Variants in CCNT2 observed in about 807,000 individuals in gnomAD.
CCNT2 encodes the protein cyclin T2.
A neutral mutation model predicts 70.0 loss-of-function variants in CCNT2; 18 were observed. The ratio of observed to expected loss-of-function variants is 0.26; its 90% CI spans 0.18 to 0.38. The LOEUF is 0.38. Ranked by LOEUF, CCNT2 falls within the 10% of genes least tolerant of loss-of-function variation. The pLI is 1.00. For synonymous variants in CCNT2, 334 were observed against 313.3 expected, an observed-to-expected ratio of 1.07 and a Z score of -0.70; for missense variants, 734 against 890.2, an observed-to-expected ratio of 0.82 and a Z score of 2.23.
chr2:134,920,785 G>A (rs1326459469), intron 2 of CCNT2, among the ~76,000 whole-genome samples: 1 of 152,132 alleles, frequency 6.6e-6, no homozygotes, highest in Non-Finnish European at 1.5e-5. Context: ...TGCTATTTGT[G>A]GATAGTCATT....
chr2:134,948,244 G>A lies in CCNT2; in HGVS notation c.703+345G>A, dbSNP rs147921363. Among the ~76,000 whole-genome samples, 51 of 152,242 alleles carry A rather than the reference G, an allele frequency of 3.3e-4. 1 individual carries two copies. In the East Asian group the frequency reaches 7.7e-3, roughly 23 times the overall value. Reference sequence around the variant, plus strand: ...TGAGGCGGGATGATCACTTGAGCACGGGAAGTCAGGGCTGCGGTAAGCCTT... The same window carrying A: ...TGAGGCGGGATGATCACTTGAGCACAGGAAGTCAGGGCTGCGGTAAGCCTT... On this transcript the variant is annotated intron_variant, in intron 7 of 8. Transcript: ENST00000264157.
At chr2:134,928,274 CTTTTT>C in intron 2 of CCNT2, among the ~76,000 whole-genome samples, 2 of 96,390 alleles carry the variant, frequency 2.1e-5, no homozygotes, top group East Asian at 6.3e-4. Flanking sequence ...CATTGTATTT[CTTTTT>C]TTTTTTTTTT....
intron 2 of CCNT2, among the ~76,000 whole-genome samples, chr2:134,921,890 G>A (rs993289404): frequency 2.0e-5 from 3 of 151,990 alleles, no homozygotes; most frequent in African/African-American, 7.3e-5. Context: ...GCATTTTTAC[G>A]TAGAGTCAGT....
chr2:134,919,155 G>C (rs775531180), intron 1 of CCNT2, 143 bp downstream of exon 1: 1 of 923,042 alleles, frequency 1.1e-6, no homozygotes, highest in Non-Finnish European at 1.6e-6. Context: ...TCCGGCTCGG[G>C]CAGTCGCGAG....
At chr2:134,936,669 G>A (rs1374087413) in intron 2 of CCNT2, among the ~76,000 whole-genome samples, 172 bp from the exon 3 acceptor site, 2 of 151,804 alleles carry the variant, frequency 1.3e-5, no homozygotes, top group South Asian at 2.1e-4. Flanking sequence ...CAGGAGAATC[G>A]CTTGAACCTG....
chr2:134,931,123 C>T (rs546636146), intron 2 of CCNT2, among the ~76,000 whole-genome samples: 12 of 151,810 alleles, frequency 7.9e-5, no homozygotes, highest in African/African-American at 2.4e-4. Flanking sequence ...CCGCCACGCC[C>T]GGCTGATTTT....
chr2:134,919,093 C>A (rs563366639), intron 1 of CCNT2, 81 bp downstream of exon 1: 1 of 1,469,342 alleles, frequency 6.8e-7, no homozygotes, highest in East Asian at 2.3e-5. Flanking sequence ...AACATGGCGC[C>A]GCCGGCCTCG....
At position 134,919,885 on chromosome 2, in the gene CCNT2, C is replaced by CA. The variant is rs1246153071; in HGVS notation, c.239dup (p.Asn80LysfsTer22). ...TGCACCATTCTTTCACCAAATTCAA[C>CA]AAAAATGTAAGTACTAGTTGTCTGT... On this transcript the variant is annotated frameshift_variant, in exon 2 of 9. Coordinates refer to ENST00000264157, the MANE Select transcript of CCNT2 (RefSeq NM_058241.3). LOFTEE classifies it high-confidence loss of function. 6.3e-7 allele frequency: 1 copy of CA among 1,598,182 alleles called. No individual in the cohort carries two copies. The highest frequency in any genetic ancestry group is 8.5e-7 in the Non-Finnish European group (1 of 1,174,368).
At position 134,954,781 on chromosome 2, in the gene CCNT2, ATTC is replaced by A; in HGVS notation, c.*137_*139del. On this transcript the variant is annotated 3_prime_UTR_variant, in exon 9 of 9. Transcript: ENST00000264157. ...CTTCAATATTTGTAAGTGCTGCTTT[ATTC>A]TTCATTCTGAAAAGAAGAGATTATA... The A allele has an allele frequency of 1.6e-6, 1 of 611,764 alleles. No homozygotes were observed. The highest frequency in any genetic ancestry group is 2.7e-5 in the East Asian group (1 of 36,574). The allele number at this position is 611,764 out of a possible 1,614,324, so 37.9% of individuals were successfully genotyped here. A position where few individuals can be genotyped will look rare whatever the true frequency, so the allele number is the denominator to read the frequency against.
chr2:134,953,896 C>G lies in CCNT2; in HGVS notation c.1441C>G (p.Pro481Ala). The G allele has an allele frequency of 6.2e-7, 1 of 1,613,786 alleles. No homozygotes were observed. Among genetic ancestry groups the G allele is most frequent in the Non-Finnish European group, 8.5e-7 (1 of 1,179,936 alleles). Residue 481 changes from proline to alanine, a missense_variant, in exon 9 of 9, where the codon CCC becomes GCC. Coordinates refer to ENST00000264157, the MANE Select transcript of CCNT2 (RefSeq NM_058241.3). ...AGCCAGCAGCAGTTCTGTTACTTCTCCCATTAAAATGAAAATACCTATCGC... is the reference window on the plus strand; with the variant it reads ...AGCCAGCAGCAGTTCTGTTACTTCTGCCATTAAAATGAAAATACCTATCGC... ...QAASSSSVTS[P>A]IKMKIPIANT... is the part of the protein sequence containing the mutation.
chr2:134,947,227 TA>T (rs1208915161), intron 6 of CCNT2, among the ~76,000 whole-genome samples: 1 of 152,242 alleles, frequency 6.6e-6, no homozygotes. Context: ...TAGATTTACA[TA>T]GATACGTGTT....
chr2:134,942,808 A>G lies in CCNT2; in HGVS notation c.493+134A>G, dbSNP rs1411331152. The stretch of plus-strand genomic sequence containing the variant: ...TAGGGAGAAATGTCATTTTTTAAGC[A>G]TTACTTTTTAGTGTTCTACATCTAC... On this transcript the variant is annotated intron_variant, in intron 5 of 8. Transcript: ENST00000264157. 4.3e-6 allele frequency: 6 copies of G among 1,407,340 alleles called. No homozygotes were observed. The African/African-American group carries it at 5.8e-5, about 14-fold the overall frequency. The allele number at this position is 1,407,340 out of a possible 1,614,324, so 87.2% of individuals were successfully genotyped here.
chr2:134,954,537 C>CA lies in CCNT2; in HGVS notation c.2084dup (p.Asn695LysfsTer4). On this transcript the variant is annotated frameshift_variant, in exon 9 of 9. Transcript: ENST00000264157. LOFTEE classifies it high-confidence loss of function. ...AACTGGACAAGAAGCCAGTGGAGAC[C>CA]AACGGTCCTGATGCCAATCACGAGT... 6.2e-7 allele frequency: 1 copy of CA among 1,614,032 alleles called. No individual in the cohort carries two copies. The highest frequency in any genetic ancestry group is 2.2e-5 in the East Asian group (1 of 44,884).
intron 4 of CCNT2, among the ~76,000 whole-genome samples, chr2:134,940,915 A>G (rs574414162): frequency 6.6e-6 from 1 of 152,320 alleles, no homozygotes; most frequent in East Asian, 1.9e-4. Context: ...CCATTTCAAG[A>G]TAAATGAATC....
intron 2 of CCNT2, among the ~76,000 whole-genome samples, chr2:134,928,304 G>GTT (rs1680456120): frequency 1.0e-5 from 1 of 97,706 alleles, no homozygotes; most frequent in South Asian, 3.5e-4. Flanking sequence ...CTGAGACGGA[G>GTT]TTTCATTCTT....
chr2:134,947,623 T>C, intron 6 of CCNT2, 113 bp from the exon 7 acceptor site: 1 of 663,754 alleles, frequency 1.5e-6, no homozygotes, highest in Non-Finnish European at 2.3e-6. Context: ...TTTTATACTC[T>C]AGACTTAAAG....
At chr2:134,948,407 A>G (rs1377092798) in intron 7 of CCNT2, among the ~76,000 whole-genome samples, 1 of 152,226 alleles carries the variant, frequency 6.6e-6, no homozygotes, top group Non-Finnish European at 1.5e-5. Context: ...TTTAAAGTAT[A>G]CTAATTCTGT....
At position 134,955,921 on chromosome 2, in the gene CCNT2, G is replaced by A. The variant is rs1682895479; in HGVS notation, c.*1273G>A. On this transcript the variant is annotated 3_prime_UTR_variant, in exon 9 of 9. Coordinates refer to ENST00000264157, the MANE Select transcript of CCNT2 (RefSeq NM_058241.3). ...GGTCAGCCTCCCAGGCAAACCAGTAGTGGAGGTTTTACATTTGTTTGCACA... is the reference window on the plus strand; with the variant it reads ...GGTCAGCCTCCCAGGCAAACCAGTAATGGAGGTTTTACATTTGTTTGCACA... The A allele has an allele frequency of 6.6e-6, 1 of 152,646 alleles. No individual in the cohort carries two copies. Among genetic ancestry groups the A allele is most frequent in the Non-Finnish European group, 1.5e-5 (1 of 68,050 alleles). 9.5% of individuals were successfully genotyped at this position (152,646 alleles called of 1,614,324 possible).
Position 134,957,845 on chromosome 2 carries a change from G to A in CCNT2, c.*3197G>A, listed in dbSNP as rs552062290. 1 of 152,282 alleles carries A rather than the reference G, an allele frequency of 6.6e-6. No individual in the cohort carries two copies. 9.4% of individuals were successfully genotyped at this position (152,282 alleles called of 1,614,324 possible). ...TTTCTAACATGATGTATGGTTTCTTGAATGTCATGAGTGGCTGCGTATATT... is the reference window on the plus strand; with the variant it reads ...TTTCTAACATGATGTATGGTTTCTTAAATGTCATGAGTGGCTGCGTATATT... On this transcript the variant is annotated 3_prime_UTR_variant, in exon 9 of 9. Transcript: ENST00000264157.
Sources: gnomAD v4.1 joint callset for allele counts (sites outside exome capture counted in the v4.1 genomes callset) on GRCh38, gnomAD v4.1.1 for gene constraint, MANE v1.5 for transcripts, NCBI Gene and HGNC (gene_info 2026-07-23, HGNC 2026-07-21) for gene names.